The following PLD5 variants were observed in gnomAD, a reference collection of about 807,000 sequenced individuals.
The protein encoded by PLD5 is phospholipase D family member 5, also known as inactive phospholipase D5.
A neutral mutation model predicts 61.1 loss-of-function variants in PLD5; 36 were observed. That is an observed-to-expected ratio of 0.59 (90% CI 0.45 to 0.78). The LOEUF (loss-of-function observed/expected upper bound fraction) is 0.78, where lower values mean the gene tolerates loss of function less well. Ranked by LOEUF, PLD5 falls within the 30% of genes least tolerant of loss-of-function variation. The probability of loss-of-function intolerance (pLI) is 0.00; values close to 1 mark genes in which losing one functional copy is unlikely to be tolerated. For missense variants in PLD5, 515 were observed against 644.4 expected (o/e 0.80, Z 2.17); for synonymous variants, 243 against 242.8 (o/e 1.00, Z -0.01).
At chr1:242,286,102 C>T (rs1675006775) in intron 3 of PLD5, among the ~76,000 whole-genome samples, 1 of 152,064 alleles carries the variant, frequency 6.6e-6, no homozygotes, top group South Asian at 2.1e-4. Flanking sequence ...CAGCGAGTCT[C>T]TGTCTCCAAA....
chr1:242,193,798 C>T (rs948275233), intron 5 of PLD5, among the ~76,000 whole-genome samples: 1 of 151,970 alleles, frequency 6.6e-6, no homozygotes, highest in African/African-American at 2.4e-5. Flanking sequence ...CATAATGGCC[C>T]CTGTTTCCTT....
chr1:242,515,263 A>C (rs1669069044), intron 1 of PLD5, among the ~76,000 whole-genome samples: 1 of 151,970 alleles, frequency 6.6e-6, no homozygotes, highest in African/African-American at 2.4e-5. Context: ...CCCAGGCTGG[A>C]GTGCAATGGC....
At chr1:242,525,833 T>TA (rs1041024041), upstream of PLD5, among the ~76,000 whole-genome samples, 26 of 152,278 alleles carry the variant, frequency 1.7e-4, no homozygotes, top group Admixed American at 6.5e-4. Flanking sequence ...AGTCTCCATT[T>TA]AAAAAAATGG....
intron 2 of PLD5, among the ~76,000 whole-genome samples, chr1:242,323,651 C>T (rs1658564734): frequency 6.6e-6 from 1 of 152,230 alleles, no homozygotes; most frequent in Non-Finnish European, 1.5e-5. Context: ...ATAGGAACTG[C>T]TGCCCCCATT....
At chr1:242,127,215 C>A (rs1662863477) in intron 5 of PLD5, among the ~76,000 whole-genome samples, 1 of 152,188 alleles carries the variant, frequency 6.6e-6, no homozygotes, top group African/African-American at 2.4e-5. Context: ...GGAATGTAAA[C>A]TAGTACAACC....
At chr1:242,368,495 T>C (rs1168047003) in intron 1 of PLD5, among the ~76,000 whole-genome samples, 1 of 152,156 alleles carries the variant, frequency 6.6e-6, no homozygotes, top group Non-Finnish European at 1.5e-5. Flanking sequence ...GTTGCCAATC[T>C]GCAGTGAAAT....
At chr1:242,451,201 T>C (rs936253620) in intron 1 of PLD5, among the ~76,000 whole-genome samples, 10 of 152,170 alleles carry the variant, frequency 6.6e-5, no homozygotes, top group Non-Finnish European at 1.5e-4. Context: ...GCAGCATCAA[T>C]GAAGCGTCTC....
At position 242,127,168 on chromosome 1, in the gene PLD5, G is replaced by A. The variant is rs963744277; in HGVS notation, c.736-2503C>T. Among the ~76,000 whole-genome samples the A allele has an allele frequency of 2.6e-5, 4 of 152,276 alleles. No individual in the cohort carries two copies. The East Asian group carries it at 5.8e-4, about 22-fold the overall frequency. On this transcript the variant is annotated intron_variant, in intron 5 of 9. Transcript: ENST00000536534. ...TAAAAAAATAATAGATGTTGGCGTG[G>A]ATGTGATGAACAGGGAACGCTTCTA...
At chr1:242,331,153 GCCAGAA>G (rs1379078042) in intron 2 of PLD5, among the ~76,000 whole-genome samples, 1 of 152,138 alleles carries the variant, frequency 6.6e-6, no homozygotes, top group Non-Finnish European at 1.5e-5. Context: ...TGTGCCAGCT[GCCAGAA>G]ATGCAAATAT....
chr1:242,465,856 G>A (rs1667263306), intron 1 of PLD5, among the ~76,000 whole-genome samples: 1 of 152,196 alleles, frequency 6.6e-6, no homozygotes, highest in Admixed American at 6.5e-5. Context: ...TTGAACCTGG[G>A]AGGCGGAGGT....
At chr1:242,290,590 T>C (rs903792304) in intron 2 of PLD5, among the ~76,000 whole-genome samples, 1 of 151,990 alleles carries the variant, frequency 6.6e-6, no homozygotes, top group Admixed American at 6.6e-5. Flanking sequence ...TGTACGCCAC[T>C]GGCATGGAGA....
intron 3 of PLD5, among the ~76,000 whole-genome samples, chr1:242,268,259 C>G (rs1302470888): frequency 6.6e-6 from 1 of 152,176 alleles, no homozygotes; most frequent in East Asian, 1.9e-4. Flanking sequence ...ATCTCACGTT[C>G]ACGTAAGTTG....
intron 6 of PLD5, among the ~76,000 whole-genome samples, chr1:242,119,244 AAC>A (rs1558240376): frequency 6.6e-6 from 1 of 152,194 alleles, no homozygotes; most frequent in Non-Finnish European, 1.5e-5. Flanking sequence ...TTATTTCATT[AAC>A]AGTTTCATGG....
intron 1 of PLD5, among the ~76,000 whole-genome samples, chr1:242,382,007 G>A (rs1662306160): frequency 1.3e-5 from 2 of 152,036 alleles, no homozygotes; most frequent in Non-Finnish European, 2.9e-5. Context: ...AATTTGTCTT[G>A]GAGTTAGAAC....
chr1:242,419,375 T>C (rs899235326), intron 1 of PLD5, among the ~76,000 whole-genome samples: 4 of 146,896 alleles, frequency 2.7e-5, no homozygotes, highest in Non-Finnish European at 4.5e-5. Flanking sequence ...CTGAGTGCAG[T>C]CCTGATTTTT....
At chr1:242,336,922 A>G (rs1659546300) in intron 2 of PLD5, among the ~76,000 whole-genome samples, 1 of 152,248 alleles carries the variant, frequency 6.6e-6, no homozygotes, top group South Asian at 2.1e-4. Flanking sequence ...CAAACAAGTT[A>G]CACACTATCA....
chr1:242,203,278 T>A (rs1206697057), intron 5 of PLD5, among the ~76,000 whole-genome samples: 1 of 152,046 alleles, frequency 6.6e-6, no homozygotes, highest in Non-Finnish European at 1.5e-5. Flanking sequence ...TCCCACAGCC[T>A]CCAATGAGGG....
intron 5 of PLD5, among the ~76,000 whole-genome samples, chr1:242,129,333 A>G (rs536864251): frequency 6.6e-6 from 1 of 152,306 alleles, no homozygotes; most frequent in African/African-American, 2.4e-5. Context: ...CTAGAGATGT[A>G]AAGAGAATTA....
intron 9 of PLD5, among the ~76,000 whole-genome samples, chr1:242,092,690 C>T (rs1359674985): frequency 6.6e-6 from 1 of 152,132 alleles, no homozygotes; most frequent in Non-Finnish European, 1.5e-5. Flanking sequence ...CCTGGGCACC[C>T]CTGGCCCAAG....
Sources: allele counts gnomAD v4.1 joint callset (sites outside exome capture counted in the v4.1 genomes callset), GRCh38; gene constraint gnomAD v4.1.1; transcripts MANE v1.5; gene names NCBI Gene and HGNC (gene_info 2026-07-23, HGNC 2026-07-21).